The following KCNH2 variants were observed in gnomAD, a reference collection of about 807,000 sequenced individuals.
KCNH2 encodes potassium voltage-gated channel subfamily H member 2.
In KCNH2, 35 loss-of-function variants were observed where a neutral mutation model predicts 95.9. The observed-to-expected ratio is 0.37, with a 90% CI of 0.28 to 0.48. KCNH2 has a LOEUF of 0.48. Among genes scored for constraint, KCNH2 ranks in the 20% least tolerant of loss-of-function variants. The pLI is 0.99. For missense variants in KCNH2, 1,274 were observed against 1,702.9 expected, an observed-to-expected ratio of 0.75 and a Z score of 4.43; for synonymous variants, 786 against 754.7, an observed-to-expected ratio of 1.04 and a Z score of -0.68.
chr7:150,965,732 C>T (rs959570148), intron 2 of KCNH2, among the ~76,000 whole-genome samples: 2 of 152,204 alleles, frequency 1.3e-5, no homozygotes, highest in Non-Finnish European at 2.9e-5. Flanking sequence ...GTACACTGGC[C>T]GGGCTTCCCC....
In KCNH2 at chr7:150,958,308, C is replaced by A; in HGVS notation, c.667G>T (p.Ala223Ser). The change falls in exon 4 of 15, where the codon GCA becomes TCA. Residue 223 changes from alanine to serine, a missense_variant. By Grantham distance (99) the Ala-to-Ser change is moderately conservative. Coordinates refer to ENST00000262186, the MANE Select transcript of KCNH2 (RefSeq NM_000238.4). ...CGCTCCTCCGCGGGCCCGAGCCCTG[C>A]CACGTGGTTGTCCATGGCTGTCACT... ...DEVTAMDNHV[A>S]GLGPAEERRA... 1.3e-6 allele frequency: 2 copies of A among 1,481,644 alleles called. No homozygotes were observed. Among genetic ancestry groups the A allele is most frequent in the Non-Finnish European group, 1.8e-6 (2 of 1,122,552 alleles). 91.8% of individuals were successfully genotyped at this position (1,481,644 alleles called of 1,614,324 possible). A position where few individuals can be genotyped will look rare whatever the true frequency, so the allele number is the denominator to read the frequency against.
intron 5 of KCNH2, among the ~76,000 whole-genome samples, chr7:150,956,453 A>G (rs1462104789): frequency 6.6e-6 from 1 of 152,112 alleles, no homozygotes; most frequent in Non-Finnish European, 1.5e-5. Context: ...AGTCCTCCAC[A>G]TTATCCCAGG....
At position 150,946,812 on chromosome 7, in the gene KCNH2, G is replaced by A. The variant is rs1800906349; in HGVS notation, c.3330+65C>T. The A allele has an allele frequency of 1.4e-6, 2 of 1,466,740 alleles. No homozygotes were observed. Among genetic ancestry groups the A allele is most frequent in the African/African-American group, 1.4e-5 (1 of 72,102 alleles). 90.9% of individuals were successfully genotyped at this position (1,466,740 alleles called of 1,614,324 possible). Reference sequence around the variant, plus strand: ...AGCCCAGCAGAAAGGCAGCAAAGCAGGTTTGGGCTGGAATCGGGGAACAAG... The same window carrying A: ...AGCCCAGCAGAAAGGCAGCAAAGCAAGTTTGGGCTGGAATCGGGGAACAAG... On this transcript the variant is annotated intron_variant, in intron 14 of 14. Coordinates refer to ENST00000262186, the MANE Select transcript of KCNH2 (RefSeq NM_000238.4). This position sits in a 1 kb window ranked among gnomAD's most constrained non-coding sequence, Gnocchi z 6.5.
rs146309583 is a variant in KCNH2, at chr7:150,951,554, C to T, written c.1839G>A (p.Thr613=). ...GGPSIKDKYV[T]ALYFTFSSLT... is the part of the protein sequence containing the mutation. ...GGCTGCTGAAGGTGAAGTAGAGCGC[C>T]GTCACATACTTGTCCTTGATGGAGG... is the stretch of plus-strand genomic sequence containing the variant. Residue 613 remains threonine, a synonymous_variant, in exon 7 of 15, where the codon ACG becomes ACA. Transcript: ENST00000262186. The T allele has an allele frequency of 9.3e-6, 15 of 1,614,030 alleles. No homozygotes were observed. In the African/African-American group the frequency reaches 1.5e-4, roughly 16 times the overall value.
At chr7:150,955,534 C>T (rs1167169346) in intron 5 of KCNH2, 1 of 1,529,660 alleles carries the variant, frequency 6.5e-7, no homozygotes, top group African/African-American at 1.4e-5. Context: ...GCCTGCCTGC[C>T]CTGGGGCCTG....
chr7:150,966,382 C>A, intron 2 of KCNH2, among the ~76,000 whole-genome samples: 3 of 11,000 alleles, frequency 2.7e-4, no homozygotes, highest in Admixed American at 9.3e-4. Flanking sequence ...TTTGCCCCCT[C>A]CCCCCCCCCC....
intron 1 of KCNH2, 79 bp downstream of exon 1, chr7:150,977,759 C>T (rs1563193332): frequency 8.1e-7 from 1 of 1,237,036 alleles, no homozygotes; most frequent in Non-Finnish European, 1.1e-6. Context: ...ACGGCCCGGG[C>T]ACGCCCCCCC....
chr7:150,945,203 G>A lies in KCNH2; in HGVS notation c.*162C>T. On this transcript the variant is annotated 3_prime_UTR_variant, in exon 15 of 15. Transcript: ENST00000262186. This position sits in a 1 kb window ranked among gnomAD's most constrained non-coding sequence, Gnocchi z 5.6. ...CCTGCCCCTCTCACTGGGGCCCAGG[G>A]GACTGCAGGAGAAGATGGTCCCAAG... 1 of 777,798 alleles carries A rather than the reference G, an allele frequency of 1.3e-6. No individual in the cohort carries two copies. The highest frequency in any genetic ancestry group is 2.0e-6 in the Non-Finnish European group (1 of 499,196). 48.2% of individuals were successfully genotyped at this position (777,798 alleles called of 1,614,324 possible).
intron 1 of KCNH2, among the ~76,000 whole-genome samples, 199 bp downstream of exon 1, chr7:150,977,639 A>C (rs1584885572): frequency 1.3e-5 from 2 of 149,520 alleles, no homozygotes; most frequent in South Asian, 2.1e-4. Flanking sequence ...CCAACCCCAA[A>C]CCCTTTGGCC....
chr7:150,960,667 CA>C (rs1450155569), intron 2 of KCNH2, among the ~76,000 whole-genome samples: 42 of 152,200 alleles, frequency 2.8e-4, no homozygotes, highest in Non-Finnish European at 4.3e-4. Flanking sequence ...GATCCTTCAC[CA>C]AAGAGTCTAA....
intron 2 of KCNH2, 24 bp downstream of exon 2, chr7:150,974,687 G>A: frequency 6.5e-7 from 1 of 1,544,746 alleles, no homozygotes; most frequent in Non-Finnish European, 8.8e-7. Flanking sequence ...CCCTGGTCGT[G>A]GCCCCGCCCC....
chr7:150,975,041 T>A, intron 1 of KCNH2, 100 bp from the exon 2 acceptor site: 2 of 1,034,374 alleles, frequency 1.9e-6, no homozygotes, highest in South Asian at 1.6e-5. Context: ...GCCCGGGGAC[T>A]CCCCGCCACA....
chr7:150,966,254 GCT>G, intron 2 of KCNH2, among the ~76,000 whole-genome samples: 1 of 150,992 alleles, frequency 6.6e-6, no homozygotes, highest in East Asian at 2.0e-4. Context: ...CTAGGTCTGT[GCT>G]CTGTCTTGGC....
intron 5 of KCNH2, 101 bp downstream of exon 5, chr7:150,957,190 A>G: frequency 1.0e-6 from 1 of 995,046 alleles, no homozygotes; most frequent in Non-Finnish European, 1.6e-6. Flanking sequence ...AGAGGCCCTC[A>G]CTGGCTAGCC....
intron 5 of KCNH2, among the ~76,000 whole-genome samples, chr7:150,953,865 C>T (rs565679208): frequency 6.6e-6 from 1 of 152,324 alleles, no homozygotes; most frequent in African/African-American, 2.4e-5. Flanking sequence ...TCCAGAGGTG[C>T]TGGCCCTGCT....
chr7:150,970,997 A>C (rs928897095), intron 2 of KCNH2, among the ~76,000 whole-genome samples: 3 of 152,322 alleles, frequency 2.0e-5, no homozygotes, highest in African/African-American at 2.4e-5. Flanking sequence ...GGCTGAAAAG[A>C]AGCAGAAAGT....
chr7:150,967,645 TAGATTATAGACCTAACTG>T, intron 2 of KCNH2, among the ~76,000 whole-genome samples: 1 of 152,368 alleles, frequency 6.6e-6, no homozygotes, highest in Non-Finnish European at 1.5e-5. Flanking sequence ...AGTCTCAGGA[TAGATTATAGACCTAACTG>T]AGAACAGCAA....
intron 10 of KCNH2, 132 bp from the exon 11 acceptor site, chr7:150,948,675 C>G (rs965755600): frequency 3.7e-6 from 4 of 1,090,084 alleles, no homozygotes; most frequent in Middle Eastern, 2.0e-4. Flanking sequence ...TTCCCTGCCC[C>G]CAATGTGATT....
chr7:150,959,967 C>A (rs550783787), intron 2 of KCNH2, among the ~76,000 whole-genome samples: 69 of 152,216 alleles, frequency 4.5e-4, no homozygotes, highest in Non-Finnish European at 8.1e-4. Flanking sequence ...TCCCCTACCC[C>A]TCTCTCTGCC....
Sources: allele counts gnomAD v4.1 joint callset (sites outside exome capture counted in the v4.1 genomes callset), GRCh38; gene constraint gnomAD v4.1.1; non-coding constraint Gnocchi (gnomAD v3.1); transcripts MANE v1.5; gene names NCBI Gene and HGNC (gene_info 2026-07-23, HGNC 2026-07-21).